The following INSL6 variants were observed in gnomAD, a reference collection of about 807,000 sequenced individuals.
INSL6 encodes the protein insulin-like peptide INSL6.
Under a neutral mutation model 9.4 loss-of-function variants are expected in INSL6, and 16 were observed. That is an observed-to-expected ratio of 1.70 (90% CI 1.15 to 2.59). INSL6 has a LOEUF of 2.59. INSL6 is among the 30% of genes most tolerant of loss of function. INSL6 has a pLI of 0.00. For synonymous variants in INSL6, 154 were observed against 96.9 expected, an observed-to-expected ratio of 1.59 and a Z score of -3.46; for missense variants, 391 against 257.3, an observed-to-expected ratio of 1.52 and a Z score of -3.56.
intron 2 of INSL6, among the ~76,000 whole-genome samples, chr9:5,142,272 G>T (rs564806981): frequency 6.6e-6 from 1 of 152,122 alleles, no homozygotes; most frequent in East Asian, 1.9e-4. Flanking sequence ...AGCTTAACAG[G>T]TATAACACTG....
chr9:5,120,534 T>G (rs983555707), downstream of INSL6, among the ~76,000 whole-genome samples: 1 of 152,194 alleles, frequency 6.6e-6, no homozygotes, highest in East Asian at 1.9e-4. Context: ...CGGTAATAAC[T>G]GGGGGAAAAA....
chr9:5,045,361 C>T, the INSL6 span, among the ~76,000 whole-genome samples: 456 of 152,218 alleles, frequency 3.0e-3, 1 homozygote, highest in African/African-American at 0.011. Context: ...AAAGGAAAAA[C>T]ATTTCTCTAT....
At chr9:5,072,082 G>A in the INSL6 span, among the ~76,000 whole-genome samples, 1 of 152,148 alleles carries the variant, frequency 6.6e-6, no homozygotes, top group African/African-American at 2.4e-5. Context: ...TAAATAGCCT[G>A]TACAAGGTCA....
chr9:5,161,108 C>A (rs1824917252), downstream of INSL6, among the ~76,000 whole-genome samples: 1 of 151,922 alleles, frequency 6.6e-6, no homozygotes, highest in Admixed American at 6.6e-5. Context: ...ACTCTGATAC[C>A]AAAACTAAAC....
At chr9:5,120,991 A>G (rs1823576139), downstream of INSL6, among the ~76,000 whole-genome samples, 1 of 152,192 alleles carries the variant, frequency 6.6e-6, no homozygotes, top group South Asian at 2.1e-4. Context: ...ATGGTTATAA[A>G]TTTGGGAGAC....
At chr9:5,068,165 A>G in the INSL6 span, among the ~76,000 whole-genome samples, 1 of 101,362 alleles carries the variant, frequency 9.9e-6, no homozygotes, top group Non-Finnish European at 1.9e-5. Context: ...TCTCAAAAAA[A>G]AACAACAACA....
chr9:4,999,694 C>G, the INSL6 span, among the ~76,000 whole-genome samples: 1 of 152,190 alleles, frequency 6.6e-6, no homozygotes, highest in Admixed American at 6.5e-5. Context: ...GCTAATCCAC[C>G]CATCTTGGCC....
chr9:5,091,376 GATT>G, the INSL6 span: 1 of 152,904 alleles, frequency 6.5e-6, no homozygotes, highest in East Asian at 1.9e-4. Flanking sequence ...TTATTATTAG[GATT>G]ATTAATAGAG....
downstream of INSL6, among the ~76,000 whole-genome samples, chr9:5,159,583 A>G (rs1163584411): frequency 6.6e-6 from 1 of 152,202 alleles, no homozygotes; most frequent in Non-Finnish European, 1.5e-5. Context: ...AAAGGGGTCA[A>G]TTCAGTAAAA....
chr9:5,049,806 C>T, the INSL6 span, among the ~76,000 whole-genome samples: 2 of 152,276 alleles, frequency 1.3e-5, no homozygotes, highest in Non-Finnish European at 2.9e-5. Context: ...TATGCCTAGT[C>T]TGTATGGTAT....
chr9:4,995,749 A>G, the INSL6 span, among the ~76,000 whole-genome samples: 2 of 152,240 alleles, frequency 1.3e-5, no homozygotes, highest in Non-Finnish European at 2.9e-5. Flanking sequence ...GAATAGAAGC[A>G]GATCTTTTTG....
chr9:5,025,767 G>C, the INSL6 span, among the ~76,000 whole-genome samples: 3 of 152,052 alleles, frequency 2.0e-5, no homozygotes, highest in Admixed American at 6.5e-5. Context: ...CCTGACTTCA[G>C]GTGATCCACC....
At chr9:5,017,710 T>C in the INSL6 span, among the ~76,000 whole-genome samples, 1 of 152,260 alleles carries the variant, frequency 6.6e-6, no homozygotes, top group Non-Finnish European at 1.5e-5. Context: ...TTATGTATTT[T>C]TGAATAAATT....
the INSL6 span, chr9:5,054,993 T>G: frequency 1.3e-6 from 1 of 771,342 alleles, no homozygotes; most frequent in Non-Finnish European, 2.0e-6. The surrounding 1 kb of genome is among the most constrained non-coding windows in gnomAD (Gnocchi z 4.9). Context: ...TCCCATTTGA[T>G]AGAAGTGGAA....
chr9:5,006,131 G>A, the INSL6 span, among the ~76,000 whole-genome samples: 1 of 152,134 alleles, frequency 6.6e-6, no homozygotes, highest in Non-Finnish European at 1.5e-5. Context: ...CATGAGCATG[G>A]AATGTTCTTC....
intron 2 of INSL6, among the ~76,000 whole-genome samples, chr9:5,138,592 G>A (rs1367670882): frequency 3.9e-5 from 6 of 152,248 alleles, no homozygotes; most frequent in African/African-American, 9.6e-5. Flanking sequence ...GCAGTGGGGG[G>A]CTAGGGAGCT....
the INSL6 span, among the ~76,000 whole-genome samples, chr9:5,101,566 G>A: frequency 6.6e-6 from 1 of 152,252 alleles, no homozygotes; most frequent in Non-Finnish European, 1.5e-5. Flanking sequence ...ACAATGGACA[G>A]ACTGCCTCAG....
the INSL6 span, among the ~76,000 whole-genome samples, chr9:5,037,114 C>T: frequency 2.5e-4 from 38 of 152,306 alleles, no homozygotes; most frequent in African/African-American, 8.9e-4. Flanking sequence ...AAATGCTCAT[C>T]ACCACTGGCC....
At chr9:5,064,199 C>T in the INSL6 span, among the ~76,000 whole-genome samples, 1 of 151,872 alleles carries the variant, frequency 6.6e-6, no homozygotes, top group Admixed American at 6.6e-5. Context: ...CATATCCTAA[C>T]ATTTTAGTTT....
Sources: gnomAD v4.1 joint callset for allele counts (sites outside exome capture counted in the v4.1 genomes callset) on GRCh38, gnomAD v4.1.1 for gene constraint, Gnocchi (gnomAD v3.1) non-coding constraint, MANE v1.5 for transcripts, NCBI Gene and HGNC (gene_info 2026-07-23, HGNC 2026-07-21) for gene names.